ERICH6: variants seen among roughly 807,000 people sequenced by gnomAD.
ERICH6 encodes the protein glutamate-rich protein 6.
ERICH6 carries 71 observed loss-of-function variants against 71.0 expected under a neutral mutation model. That is an observed-to-expected ratio of 1.00 (90% CI 0.83 to 1.22). ERICH6 has a LOEUF of 1.22. ERICH6 is among the 50% of genes most tolerant of loss of function. ERICH6 has a pLI of 0.00. For missense variants in ERICH6, 808 were observed against 797.2 expected (o/e 1.01, Z -0.16); for synonymous variants, 262 against 278.4 (o/e 0.94, Z 0.59).
At chr3:150,687,104 C>T (rs994257217) in intron 3 of ERICH6, among the ~76,000 whole-genome samples, 1 of 152,186 alleles carries the variant, frequency 6.6e-6, no homozygotes, top group East Asian at 1.9e-4. Context: ...TGTACTCCAA[C>T]GTGGGCTACC....
chr3:150,679,486 G>A (rs1172888764), intron 9 of ERICH6, among the ~76,000 whole-genome samples: 1 of 152,080 alleles, frequency 6.6e-6, no homozygotes, highest in East Asian at 1.9e-4. Context: ...AGAGGAGGAG[G>A]CTTATGCCCA....
chr3:150,702,994 C>CAG (rs71676608), intron 1 of ERICH6, among the ~76,000 whole-genome samples: 7,427 of 123,922 alleles, frequency 0.06, 541 homozygotes, highest in East Asian at 0.35. Flanking sequence ...GGAGGGGGAA[C>CAG]AGAGAGAGAG....
intron 3 of ERICH6, among the ~76,000 whole-genome samples, chr3:150,691,729 A>T (rs1257778108): frequency 4.0e-5 from 6 of 150,288 alleles, no homozygotes; most frequent in East Asian, 1.9e-4. Context: ...ATTTTTTTTT[A>T]AATTAAGGTT....
chr3:150,696,109 C>G (rs958420832), intron 3 of ERICH6, among the ~76,000 whole-genome samples: 1 of 151,640 alleles, frequency 6.6e-6, no homozygotes, highest in African/African-American at 2.4e-5. Context: ...TTCAGTGGAA[C>G]AGAATATTCA....
chr3:150,703,651 T>C lies in ERICH6; in HGVS notation c.248A>G (p.Asp83Gly). The change falls in exon 1 of 14, where the codon GAC becomes GGC. Residue 83 changes from aspartate (D) to glycine (G), a missense_variant. By Grantham distance (94) the Asp-to-Gly change is moderately conservative. Around this residue, in one of 3 missense-constraint regions of ERICH6, gnomAD observed 736 missense variants for 712.2 expected, o/e 1.03. Coordinates refer to ENST00000295910, the MANE Select transcript of ERICH6 (RefSeq NM_152394.5). ...GAAGTCGTCGTCGTAGTCACCGATG[T>C]CCGTGACCTTCCAGAGGTACTCTTC... ...FSEEYLWKVT[D>G]IGDYDDDFPD... The C allele has an allele frequency of 6.2e-7, 1 of 1,613,972 alleles. No individual in the cohort carries two copies. The highest frequency in any genetic ancestry group is 1.7e-4 in the Middle Eastern group (1 of 6,056).
In ERICH6 at chr3:150,685,761, T is replaced by C; in HGVS notation, c.764A>G (p.Asn255Ser). 6.2e-7 allele frequency: 1 copy of C among 1,613,562 alleles called. No homozygotes were observed. The highest frequency in any genetic ancestry group is 8.5e-7 in the Non-Finnish European group (1 of 1,179,802). The part of the protein sequence containing the change: ...SILAYKEESS[N>S]LGINFKDEEE... ...AGTCACCTTGAAGTTAATGCCTAAA[T>C]TGGAGCTCTCTTCTTTGTATGCCAG... The change falls in exon 6 of 14, where the codon AAT becomes AGT. Residue 255 changes from asparagine (N) to serine (S), a missense_variant. Transcript: ENST00000295910.
Position 150,680,305 on chromosome 3 carries a change from C to T in ERICH6, c.1111+163G>A, listed in dbSNP as rs948822645. ...CTGGTCTCAAACTTCTGGGCTCAAG[C>T]GATTCTCCCACCTTGGCTTCCCAAA... On this transcript the variant is annotated intron_variant, in intron 9 of 13. Coordinates refer to ENST00000295910, the MANE Select transcript of ERICH6 (RefSeq NM_152394.5). 5.3e-5 allele frequency among the ~76,000 whole-genome samples: 8 copies of T among 152,272 alleles called. No homozygotes were observed. The East Asian group carries it at 5.8e-4, about 11-fold the overall frequency.
At chr3:150,669,097 T>C (rs1018022737) in intron 12 of ERICH6, among the ~76,000 whole-genome samples, 199 bp downstream of exon 12, 2 of 152,218 alleles carry the variant, frequency 1.3e-5, no homozygotes, top group Non-Finnish European at 2.9e-5. Flanking sequence ...GCTTTATTTT[T>C]ATAATTGCTT....
intron 6 of ERICH6, among the ~76,000 whole-genome samples, chr3:150,682,649 G>T (rs1048356327): frequency 2.0e-5 from 3 of 152,204 alleles, no homozygotes; most frequent in African/African-American, 7.2e-5. Context: ...GGAGGGGAAT[G>T]TGTAGTGTGT....
At position 150,666,793 on chromosome 3, in the gene ERICH6, T is replaced by C. The variant is rs1340079910; in HGVS notation, c.1722A>G (p.Lys574=). 1.2e-6 allele frequency: 2 copies of C among 1,613,426 alleles called. No homozygotes were observed. Among genetic ancestry groups the C allele is most frequent in the African/African-American group, 2.7e-5 (2 of 74,892 alleles). Reference sequence around the variant, plus strand: ...TTTTTAAAAATGTACCTACCTTCACTTTGGTTCCAACACTGATTCTTGCCT... The same window carrying C: ...TTTTTAAAAATGTACCTACCTTCACCTTGGTTCCAACACTGATTCTTGCCT... ...GQQARISVGT[K]VKLPNPEEIP... Residue 574 remains lysine (K), a synonymous_variant, in exon 13 of 14, where the codon AAA becomes AAG. Transcript: ENST00000295910.
At chr3:150,662,513 T>C (rs1391848307) in intron 13 of ERICH6, among the ~76,000 whole-genome samples, 1 of 152,120 alleles carries the variant, frequency 6.6e-6, no homozygotes, top group Non-Finnish European at 1.5e-5. Flanking sequence ...GGAACACTTA[T>C]AAAAATTATG....
chr3:150,681,437 C>CATCT (rs1367845012), intron 7 of ERICH6, among the ~76,000 whole-genome samples: 16 of 152,178 alleles, frequency 1.1e-4, no homozygotes, highest in African/African-American at 3.6e-4. Context: ...TTTATTCATC[C>CATCT]ATTCATCCAT....
chr3:150,692,259 T>C (rs1281021502), intron 3 of ERICH6, among the ~76,000 whole-genome samples: 2 of 152,168 alleles, frequency 1.3e-5, no homozygotes, highest in African/African-American at 4.8e-5. Flanking sequence ...TCATGCTGTA[T>C]TTATTAGGGC....
chr3:150,666,383 A>G lies in ERICH6; in HGVS notation c.1728+404T>C, dbSNP rs74483558. 4.9e-4 allele frequency among the ~76,000 whole-genome samples: 75 copies of G among 152,270 alleles called. No individual in the cohort carries two copies. The East Asian group carries it at 0.013, about 27-fold the overall frequency. ...TGGGTGAAGGACTAGGAGGTCTGGGAAGTGTCTCTAAGGAGACAGGGCTTA... is the reference window on the plus strand; with the variant it reads ...TGGGTGAAGGACTAGGAGGTCTGGGGAGTGTCTCTAAGGAGACAGGGCTTA... On this transcript the variant is annotated intron_variant, in intron 13 of 13. Coordinates refer to ENST00000295910, the MANE Select transcript of ERICH6 (RefSeq NM_152394.5).
chr3:150,674,815 T>C (rs1171343279), intron 10 of ERICH6, among the ~76,000 whole-genome samples: 2 of 152,170 alleles, frequency 1.3e-5, no homozygotes, highest in Non-Finnish European at 2.9e-5. Flanking sequence ...CTTTTTTTTT[T>C]TTCTTGGTCT....
intron 10 of ERICH6, among the ~76,000 whole-genome samples, chr3:150,677,376 T>C (rs969991021): frequency 2.6e-5 from 4 of 152,094 alleles, no homozygotes; most frequent in African/African-American, 7.2e-5. Flanking sequence ...AAATGGTATT[T>C]AGTATAGCAA....
chr3:150,702,608 G>T lies in ERICH6; in HGVS notation c.404-430C>A, dbSNP rs1712935034. 3.9e-5 allele frequency among the ~76,000 whole-genome samples: 6 copies of T among 152,056 alleles called. No homozygotes were observed. The South Asian group carries it at 1.2e-3, about 32-fold the overall frequency. On this transcript the variant is annotated intron_variant, in intron 1 of 13. Transcript: ENST00000295910. The stretch of plus-strand genomic sequence containing the variant: ...ATTTTTGATCATCGCAAGGATGTGT[G>T]CTTCTAGCACAGCCACGGGTAGAGG...
intron 13 of ERICH6, among the ~76,000 whole-genome samples, chr3:150,662,374 T>A (rs1249570699): frequency 1.3e-5 from 2 of 152,152 alleles, no homozygotes; most frequent in Non-Finnish European, 2.9e-5. Context: ...TTGGGAAACT[T>A]TCATACATTT....
chr3:150,684,802 T>A (rs945552000), intron 6 of ERICH6, among the ~76,000 whole-genome samples: 2 of 151,992 alleles, frequency 1.3e-5, no homozygotes, highest in South Asian at 2.1e-4. Flanking sequence ...CTTTTTTTTT[T>A]AATAATAAGC....
Sources: allele counts gnomAD v4.1 joint callset (sites outside exome capture counted in the v4.1 genomes callset), GRCh38; gene constraint gnomAD v4.1.1; regional missense constraint gnomAD v4.1.1; transcripts MANE v1.5; gene names NCBI Gene and HGNC (gene_info 2026-07-23, HGNC 2026-07-21).